Variants in LSM11 observed in about 807,000 individuals in gnomAD.
LSM11 encodes the protein LSM11, U7 small nuclear RNA associated.
In LSM11, 14 loss-of-function variants were observed where a neutral mutation model predicts 28.1. The observed-to-expected ratio is 0.50, with a 90% CI of 0.33 to 0.78. The LOEUF (loss-of-function observed/expected upper bound fraction) is 0.78. LSM11 is among the 30% of genes least tolerant of loss of function. The pLI is 0.02. For missense variants in LSM11, 495 were observed against 510.6 expected, an observed-to-expected ratio of 0.97 and a Z score of 0.30; for synonymous variants, 207 against 214.2, an observed-to-expected ratio of 0.97 and a Z score of 0.30.
intron 2 of LSM11, 82 bp from the exon 3 acceptor site, chr5:157,753,922 C>CAT (rs1761280735): frequency 2.4e-6 from 2 of 850,208 alleles, no homozygotes; most frequent in Non-Finnish European, 3.4e-6. Flanking sequence ...GTTACTCTGC[C>CAT]TTTTTTTTTT....
rs1370680221 is a variant in LSM11, at chr5:157,760,510, A to G, written c.*5246A>G. 6.6e-6 allele frequency: 1 copy of G among 152,216 alleles called. No individual in the cohort carries two copies. Among genetic ancestry groups the G allele is most frequent in the Non-Finnish European group, 1.5e-5 (1 of 68,036 alleles). The allele number at this position is 152,216 out of a possible 1,614,324, so 9.4% of individuals were successfully genotyped here. On this transcript the variant is annotated 3_prime_UTR_variant, in exon 4 of 4. Coordinates refer to ENST00000286307, the MANE Select transcript of LSM11 (RefSeq NM_173491.4). ...TAAACCTGAATGACTCTACGTATCTATAGTTTCACTGCTCATATACCAGCT... is the reference window on the plus strand; with the variant it reads ...TAAACCTGAATGACTCTACGTATCTGTAGTTTCACTGCTCATATACCAGCT...
chr5:157,744,300 G>C (rs888924729), intron 1 of LSM11, 102 bp downstream of exon 1: 16 of 907,640 alleles, frequency 1.8e-5, no homozygotes, highest in Non-Finnish European at 2.3e-5. Context: ...GGGTCTGCAC[G>C]TATTGCGGGA....
intron 1 of LSM11, among the ~76,000 whole-genome samples, chr5:157,747,983 C>T (rs1024930454): frequency 1.0e-4 from 14 of 138,534 alleles, no homozygotes; most frequent in African/African-American, 3.6e-4. Context: ...ATGATTTCTG[C>T]ACCACACTGC....
chr5:157,744,498 G>A (rs1761116353), intron 1 of LSM11, among the ~76,000 whole-genome samples: 1 of 152,126 alleles, frequency 6.6e-6, no homozygotes, highest in Non-Finnish European at 1.5e-5. Context: ...CGGTAATCGG[G>A]GCCCATGGAA....
chr5:157,743,989 C>T lies in LSM11; in HGVS notation c.239C>T (p.Ala80Val), dbSNP rs758693788. 2 of 1,261,926 alleles carry T rather than the reference C, an allele frequency of 1.6e-6. No individual in the cohort carries two copies. The highest frequency in any genetic ancestry group is 2.0e-6 in the Non-Finnish European group (2 of 1,007,046). The allele number at this position is 1,261,926 out of a possible 1,614,324, so 78.2% of individuals were successfully genotyped here. ...CGCGGGCGCGGGCGGGCTCGGGGCG[C>T]GGCCGCGGGCTCTGGGGTTCCCGCC... ...GGRGRGRARG[A>V]AAGSGVPAAP... The change falls in exon 1 of 4, where the codon GCG becomes GTG. Residue 80 changes from alanine to valine, a missense_variant. Ala to Val is a moderately conservative substitution (Grantham distance 64). Coordinates refer to ENST00000286307, the MANE Select transcript of LSM11 (RefSeq NM_173491.4).
chr5:157,751,278 T>A, intron 1 of LSM11, 112 bp from the exon 2 acceptor site: 1 of 1,213,524 alleles, frequency 8.2e-7, no homozygotes, highest in Non-Finnish European at 1.1e-6. Context: ...ATAGTGAGAT[T>A]GTCACTCTAC....
chr5:157,749,577 C>T (rs978123464), intron 1 of LSM11, among the ~76,000 whole-genome samples: 70 of 84,662 alleles, frequency 8.3e-4, no homozygotes, highest in South Asian at 2.5e-3. Flanking sequence ...TATACACGCG[C>T]GCGCACGCGC....
chr5:157,748,629 C>G (rs747628116), intron 1 of LSM11, among the ~76,000 whole-genome samples: 4 of 152,144 alleles, frequency 2.6e-5, no homozygotes, highest in Admixed American at 2.0e-4. Flanking sequence ...TTTGCCGCCA[C>G]CTGAGACGCA....
At chr5:157,748,978 C>CT (rs1761184466) in intron 1 of LSM11, among the ~76,000 whole-genome samples, 1 of 152,112 alleles carries the variant, frequency 6.6e-6, no homozygotes, top group Non-Finnish European at 1.5e-5. Context: ...AATGTGCACT[C>CT]TGATTCAGAA....
intron 1 of LSM11, chr5:157,747,653 CTTGA>C (rs1335291199): frequency 2.9e-5 from 5 of 170,346 alleles, no homozygotes; most frequent in Non-Finnish European, 6.5e-5. Flanking sequence ...AATATGGTGT[CTTGA>C]TGTTTTCATT....
chr5:157,756,319 A>C lies in LSM11; in HGVS notation c.*1055A>C, dbSNP rs1761327392. On this transcript the variant is annotated 3_prime_UTR_variant, in exon 4 of 4. Transcript: ENST00000286307. ...TAGTGTCTAAAGCGACACTTTACTC[A>C]CAGCCTGGCTTGAGTCAACAGGAAC... The C allele has an allele frequency of 6.5e-6, 1 of 152,674 alleles. No homozygotes were observed. Among genetic ancestry groups the C allele is most frequent in the Non-Finnish European group, 1.5e-5 (1 of 68,054 alleles). The allele number at this position is 152,674 out of a possible 1,614,324, so 9.5% of individuals were successfully genotyped here. A position where few individuals can be genotyped will look rare whatever the true frequency, so the allele number is the denominator to read the frequency against.
rs949831909 is a variant in LSM11 at position 157,758,852 on chromosome 5, A to G, written c.*3588A>G. 3.9e-5 allele frequency: 6 copies of G among 152,258 alleles called. No individual in the cohort carries two copies. Among genetic ancestry groups the G allele is most frequent in the African/African-American group, 1.4e-4 (6 of 41,468 alleles). The allele number at this position is 152,258 out of a possible 1,614,324, so 9.4% of individuals were successfully genotyped here. A position where few individuals can be genotyped will look rare whatever the true frequency, so the allele number is the denominator to read the frequency against. On this transcript the variant is annotated 3_prime_UTR_variant, in exon 4 of 4. Coordinates refer to ENST00000286307, the MANE Select transcript of LSM11 (RefSeq NM_173491.4). ...TATCTACCTTTGTTAGATAATAACA[A>G]GTGATTAAGAAAGGGGAGATATGGT...
rs926126772 is a variant in LSM11, at chr5:157,758,061, G to A, written c.*2797G>A. ...AGTAAATTAGTAAATGTGCTGTTTT[G>A]TATAAAGCATGATAATTACTTTTTA... On this transcript the variant is annotated 3_prime_UTR_variant, in exon 4 of 4. Coordinates refer to ENST00000286307, the MANE Select transcript of LSM11 (RefSeq NM_173491.4). 3.3e-5 allele frequency: 5 copies of A among 152,120 alleles called. No homozygotes were observed. Among genetic ancestry groups the A allele is most frequent in the African/African-American group, 9.7e-5 (4 of 41,416 alleles). The allele number at this position is 152,120 out of a possible 1,614,324, so 9.4% of individuals were successfully genotyped here. A position where few individuals can be genotyped will look rare whatever the true frequency, so the allele number is the denominator to read the frequency against.
At chr5:157,753,304 T>A (rs1761271389) in intron 2 of LSM11, among the ~76,000 whole-genome samples, 1 of 149,616 alleles carries the variant, frequency 6.7e-6, no homozygotes. Context: ...GAAAAATGTT[T>A]TATTATGATC....
Position 157,743,901 on chromosome 5 carries a change from C to T in LSM11, c.151C>T (p.Pro51Ser), listed in dbSNP as rs200123886. Residue 51 changes from proline (P) to serine (S), a missense_variant, in exon 1 of 4, where the codon CCC becomes TCC. Coordinates refer to ENST00000286307, the MANE Select transcript of LSM11 (RefSeq NM_173491.4). ...RLPPIPYPNA[P>S]CFNNVAEYES... Reference sequence around the variant, plus strand: ...GCCTCCCATTCCCTACCCCAATGCCCCCTGCTTCAACAACGTGGCGGAGTA... The same window carrying T: ...GCCTCCCATTCCCTACCCCAATGCCTCCTGCTTCAACAACGTGGCGGAGTA... The T allele has an allele frequency of 1.3e-6, 2 of 1,526,798 alleles. No individual in the cohort carries two copies. Among genetic ancestry groups the T allele is most frequent in the Non-Finnish European group, 1.8e-6 (2 of 1,136,764 alleles). The allele number at this position is 1,526,798 out of a possible 1,614,324, so 94.6% of individuals were successfully genotyped here.
chr5:157,755,545 CT>C lies in LSM11; in HGVS notation c.*283del, dbSNP rs1761310606. On this transcript the variant is annotated 3_prime_UTR_variant, in exon 4 of 4. Coordinates refer to ENST00000286307, the MANE Select transcript of LSM11 (RefSeq NM_173491.4). ...CAGACCCTGAAACCAAATATCTGATCTTCCATTAGACTTAGGGGTCATGATA... is the reference window on the plus strand; with the variant it reads ...CAGACCCTGAAACCAAATATCTGATCTCCATTAGACTTAGGGGTCATGATA... 1.9e-6 allele frequency: 1 copy of C among 532,344 alleles called. No homozygotes were observed. Among genetic ancestry groups the C allele is most frequent in the South Asian group, 3.1e-5 (1 of 32,066 alleles). The allele number at this position is 532,344 out of a possible 1,614,324, so 33.0% of individuals were successfully genotyped here.
chr5:157,750,357 C>G (rs1021194653), intron 1 of LSM11, among the ~76,000 whole-genome samples: 1 of 152,212 alleles, frequency 6.6e-6, no homozygotes, highest in Non-Finnish European at 1.5e-5. Flanking sequence ...TTCATCTTTC[C>G]TCCCACGCTC....
At chr5:157,746,967 GA>G (rs1236946826) in intron 1 of LSM11, among the ~76,000 whole-genome samples, 1 of 151,984 alleles carries the variant, frequency 6.6e-6, no homozygotes, top group Non-Finnish European at 1.5e-5. Flanking sequence ...TACTAAAGAA[GA>G]AAAAAAGCAT....
chr5:157,745,641 G>T (rs1275683127), intron 1 of LSM11, among the ~76,000 whole-genome samples: 1 of 152,190 alleles, frequency 6.6e-6, no homozygotes, highest in East Asian at 1.9e-4. Flanking sequence ...TGTGGTGGGT[G>T]GTTTTAGCTT....
Sources: gnomAD v4.1 joint callset for allele counts (sites outside exome capture counted in the v4.1 genomes callset) on GRCh38, gnomAD v4.1.1 for gene constraint, MANE v1.5 for transcripts, NCBI Gene and HGNC (gene_info 2026-07-23, HGNC 2026-07-21) for gene names.